Variants in DCT observed in about 807,000 individuals in gnomAD.
The protein encoded by DCT is L-dopachrome tautomerase.
A neutral mutation model predicts 53.0 loss-of-function variants in DCT; 47 were observed. The ratio of observed to expected loss-of-function variants is 0.89; its 90% CI spans 0.70 to 1.13. The LOEUF (loss-of-function observed/expected upper bound fraction) is 1.13, where lower values mean the gene tolerates loss of function less well. Ranked by LOEUF, DCT falls within the 50% of genes most tolerant of loss-of-function variation. The probability of loss-of-function intolerance (pLI) is 0.00; values close to 1 mark genes in which losing one functional copy is unlikely to be tolerated. For missense variants in DCT, 669 were observed against 637.4 expected, an observed-to-expected ratio of 1.05 and a Z score of -0.53; for synonymous variants, 244 against 237.0, an observed-to-expected ratio of 1.03 and a Z score of -0.27.
At chr13:94,502,520 C>T in the DCT span, among the ~76,000 whole-genome samples, 1 of 152,160 alleles carries the variant, frequency 6.6e-6, no homozygotes, top group African/African-American at 2.4e-5. Context: ...ATTGCACCTG[C>T]GTTCAGTCAT....
At chr13:94,447,592 G>GA (rs1882816170) in intron 6 of DCT, among the ~76,000 whole-genome samples, 1 of 152,166 alleles carries the variant, frequency 6.6e-6, no homozygotes, top group Non-Finnish European at 1.5e-5. Flanking sequence ...ACTAGAATAA[G>GA]AAAAATTGAT....
intron 1 of DCT, among the ~76,000 whole-genome samples, chr13:94,470,339 G>C (rs1884561429): frequency 6.6e-6 from 1 of 152,148 alleles, no homozygotes. Context: ...CTTTCTCAAA[G>C]CCCAGGGAAG....
At chr13:94,461,583 T>C (rs1289529902) in intron 5 of DCT, among the ~76,000 whole-genome samples, 3 of 152,198 alleles carry the variant, frequency 2.0e-5, no homozygotes, top group African/African-American at 7.2e-5. Flanking sequence ...TTGAGTTGAA[T>C]TTAGTCTGCA....
chr13:94,517,339 C>T, the DCT span, among the ~76,000 whole-genome samples: 2 of 152,346 alleles, frequency 1.3e-5, no homozygotes, highest in Admixed American at 6.5e-5. Flanking sequence ...GGACCCTCAT[C>T]TTCTTGACTT....
intron 1 of DCT, among the ~76,000 whole-genome samples, chr13:94,472,731 A>G (rs1374481203): frequency 1.3e-5 from 2 of 150,706 alleles, no homozygotes; most frequent in African/African-American, 4.9e-5. Context: ...ACAGGTGCAC[A>G]CCACCACACC....
At chr13:94,464,968 T>G (rs1358890555) in intron 4 of DCT, among the ~76,000 whole-genome samples, 2 of 152,140 alleles carry the variant, frequency 1.3e-5, no homozygotes, top group African/African-American at 4.8e-5. Context: ...TCACACATGA[T>G]GTTCCTCCAT....
At chr13:94,478,551 T>C (rs1885254627) in intron 1 of DCT, among the ~76,000 whole-genome samples, 1 of 152,234 alleles carries the variant, frequency 6.6e-6, no homozygotes, top group East Asian at 1.9e-4. Context: ...CTTTGACTCC[T>C]GTCTTCCGAA....
At position 94,460,157 on chromosome 13, in the gene DCT, C is replaced by T; in HGVS notation, c.1113G>A (p.Leu371=). The T allele has an allele frequency of 6.2e-7, 1 of 1,613,998 alleles. No individual in the cohort carries two copies. The highest frequency in any genetic ancestry group is 1.1e-5 in the South Asian group (1 of 91,080). ...TTGTCCCGTTCAGGAAGGAATGAACCAAATTATGAAGGCTCATCACTTGAG... is the reference window on the plus strand; with the variant it reads ...TTGTCCCGTTCAGGAAGGAATGAACTAAATTATGAAGGCTCATCACTTGAG... ...LDSQVMSLHN[L]VHSFLNGTNA... The change falls in exon 6 of 8, where the codon TTG becomes TTA. Residue 371 remains leucine, a synonymous_variant. Coordinates refer to ENST00000377028, the MANE Select transcript of DCT (RefSeq NM_001922.5).
At chr13:94,447,341 T>A (rs1440753537) in intron 6 of DCT, among the ~76,000 whole-genome samples, 1 of 152,218 alleles carries the variant, frequency 6.6e-6, no homozygotes, top group African/African-American at 2.4e-5. Flanking sequence ...TAGATTCTCA[T>A]AAGGAGTGTG....
chr13:94,548,950 G>A, the DCT span, among the ~76,000 whole-genome samples: 1 of 152,246 alleles, frequency 6.6e-6, no homozygotes, highest in Non-Finnish European at 1.5e-5. Context: ...TTTCTAAGTA[G>A]TTCTCAGGCG....
chr13:94,484,687 A>C, the DCT span, among the ~76,000 whole-genome samples: 3 of 152,170 alleles, frequency 2.0e-5, no homozygotes, highest in East Asian at 5.8e-4. Context: ...TCCTCTCTGC[A>C]CATGCACTTC....
chr13:94,487,972 T>C, the DCT span, among the ~76,000 whole-genome samples: 2 of 152,272 alleles, frequency 1.3e-5, no homozygotes, highest in Admixed American at 6.5e-5. Context: ...ATTTTTTTCA[T>C]CTTGAATGCA....
chr13:94,440,481 T>A (rs973906985), intron 7 of DCT, among the ~76,000 whole-genome samples: 1 of 152,060 alleles, frequency 6.6e-6, no homozygotes, highest in African/African-American at 2.4e-5. Flanking sequence ...CTACCTTTTT[T>A]ATAGAATGAT....
At chr13:94,478,627 T>C (rs974059933) in intron 1 of DCT, among the ~76,000 whole-genome samples, 2 of 152,270 alleles carry the variant, frequency 1.3e-5, no homozygotes, top group Non-Finnish European at 2.9e-5. Context: ...ACCGAATCCA[T>C]CTTGAAAGGA....
chr13:94,543,159 G>A, the DCT span, among the ~76,000 whole-genome samples: 3 of 152,096 alleles, frequency 2.0e-5, no homozygotes, highest in Non-Finnish European at 4.4e-5. Context: ...TGATTATGAT[G>A]TGCACACTAA....
the DCT span, among the ~76,000 whole-genome samples, chr13:94,503,962 G>A: frequency 6.6e-6 from 1 of 152,298 alleles, no homozygotes; most frequent in East Asian, 1.9e-4. Flanking sequence ...AATGGTGTTG[G>A]TTGTGCATAA....
chr13:94,534,164 T>G, the DCT span, among the ~76,000 whole-genome samples: 1 of 151,266 alleles, frequency 6.6e-6, no homozygotes, highest in Admixed American at 6.6e-5. Flanking sequence ...AATAAAAATG[T>G]ATATAATAAA....
chr13:94,504,844 T>C, the DCT span, among the ~76,000 whole-genome samples: 1 of 152,108 alleles, frequency 6.6e-6, no homozygotes, highest in African/African-American at 2.4e-5. Context: ...GTGTGAAAAA[T>C]AAGAAATGAC....
chr13:94,490,962 A>G, the DCT span, among the ~76,000 whole-genome samples: 3 of 152,220 alleles, frequency 2.0e-5, no homozygotes, highest in Admixed American at 1.3e-4. Flanking sequence ...TTGAGCACCA[A>G]TGATTCAAAG....
Sources: gnomAD v4.1 joint callset for allele counts (sites outside exome capture counted in the v4.1 genomes callset) on GRCh38, gnomAD v4.1.1 for gene constraint, MANE v1.5 for transcripts, NCBI Gene and HGNC (gene_info 2026-07-23, HGNC 2026-07-21) for gene names.